Variants in BORCS5 observed in about 807,000 individuals in gnomAD.
BORCS5 encodes the protein BLOC-1-related complex subunit 5.
BORCS5 carries 17 observed loss-of-function variants against 22.1 expected under a neutral mutation model. The ratio of observed to expected loss-of-function variants is 0.77; its 90% CI spans 0.53 to 1.15. The LOEUF (loss-of-function observed/expected upper bound fraction) is 1.15. Ranked by LOEUF, BORCS5 falls within the 50% of genes most tolerant of loss-of-function variation. The pLI is 0.00. For missense variants in BORCS5, 247 were observed against 253.2 expected, an observed-to-expected ratio of 0.98 and a Z score of 0.17; for synonymous variants, 117 against 99.8, an observed-to-expected ratio of 1.17 and a Z score of -1.03.
intron 3 of BORCS5, among the ~76,000 whole-genome samples, chr12:12,447,050 T>G (rs1247085706): frequency 6.6e-6 from 1 of 152,170 alleles, no homozygotes; most frequent in Non-Finnish European, 1.5e-5. Flanking sequence ...TCCCCCAGCC[T>G]CCTCTCTTCC....
chr12:12,411,866 A>T (rs765797704), intron 2 of BORCS5, among the ~76,000 whole-genome samples: 2 of 152,194 alleles, frequency 1.3e-5, no homozygotes, highest in Non-Finnish European at 2.9e-5. Flanking sequence ...CAGCTTTCCT[A>T]GCAGCATTTG....
intron 2 of BORCS5, among the ~76,000 whole-genome samples, chr12:12,374,129 A>G (rs1863592302): frequency 6.6e-6 from 1 of 151,238 alleles, no homozygotes; most frequent in Admixed American, 6.6e-5. Flanking sequence ...CTGGGACTAC[A>G]GGTGCCCGCC....
chr12:12,426,720 T>A (rs989410833), intron 2 of BORCS5, among the ~76,000 whole-genome samples: 1 of 152,256 alleles, frequency 6.6e-6, no homozygotes, highest in African/African-American at 2.4e-5. Flanking sequence ...GACATGATTA[T>A]TATCTTGCTT....
chr12:12,430,211 CAA>C (rs1942388025), intron 2 of BORCS5, among the ~76,000 whole-genome samples: 2 of 131,964 alleles, frequency 1.5e-5, no homozygotes, highest in Non-Finnish European at 3.1e-5. Flanking sequence ...AGTGCAGTGG[CAA>C]GATCTCGGCT....
At chr12:12,381,181 G>A (rs916690622) in intron 2 of BORCS5, among the ~76,000 whole-genome samples, 1 of 150,916 alleles carries the variant, frequency 6.6e-6, no homozygotes, top group Non-Finnish European at 1.5e-5. Flanking sequence ...TGTGTTTTTA[G>A]TAGAGACAGG....
chr12:12,424,182 A>G (rs1942220659), intron 2 of BORCS5, among the ~76,000 whole-genome samples: 1 of 152,072 alleles, frequency 6.6e-6, no homozygotes, highest in South Asian at 2.1e-4. Flanking sequence ...GCATACGGTT[A>G]TCCACTTGAT....
At chr12:12,418,688 G>C (rs532480431) in intron 2 of BORCS5, among the ~76,000 whole-genome samples, 1 of 152,210 alleles carries the variant, frequency 6.6e-6, no homozygotes, top group Non-Finnish European at 1.5e-5. Flanking sequence ...CTCTCTTTCA[G>C]TATAGCTCTT....
At chr12:12,435,008 C>A (rs1366133077) in intron 2 of BORCS5, among the ~76,000 whole-genome samples, 1 of 152,150 alleles carries the variant, frequency 6.6e-6, no homozygotes, top group Non-Finnish European at 1.5e-5. Context: ...AAAATATAAT[C>A]CCCTATGCAA....
At chr12:12,459,135 A>G (rs1487525416) in intron 3 of BORCS5, among the ~76,000 whole-genome samples, 3 of 151,838 alleles carry the variant, frequency 2.0e-5, no homozygotes, top group Non-Finnish European at 2.9e-5. Context: ...ACCTCAGGTG[A>G]TCCACCTGCC....
At chr12:12,361,906 TAC>T (rs1382468786) in intron 2 of BORCS5, among the ~76,000 whole-genome samples, 1 of 152,192 alleles carries the variant, frequency 6.6e-6, no homozygotes. Flanking sequence ...AATTAGCATA[TAC>T]TGTGGTAGTT....
At chr12:12,363,867 C>G (rs958955259) in intron 2 of BORCS5, among the ~76,000 whole-genome samples, 13 of 151,628 alleles carry the variant, frequency 8.6e-5, no homozygotes, top group African/African-American at 3.2e-4. Context: ...TTCATTCCAG[C>G]TTGGGCAACA....
chr12:12,420,979 A>G (rs1308674963), intron 2 of BORCS5, among the ~76,000 whole-genome samples: 1 of 152,200 alleles, frequency 6.6e-6, no homozygotes, highest in East Asian at 1.9e-4. Flanking sequence ...TAAATATACA[A>G]TCATGTCATC....
chr12:12,465,893 TG>T lies in BORCS5; in HGVS notation c.*120del, dbSNP rs1180104334. 1 of 836,284 alleles carries T rather than the reference TG, an allele frequency of 1.2e-6. No homozygotes were observed. Among genetic ancestry groups the T allele is most frequent in the Non-Finnish European group, 1.8e-6 (1 of 548,734 alleles). 51.8% of individuals were successfully genotyped at this position (836,284 alleles called of 1,614,324 possible). On this transcript the variant is annotated 3_prime_UTR_variant, in exon 4 of 4. Coordinates refer to ENST00000314565, the MANE Select transcript of BORCS5 (RefSeq NM_058169.6). ...AGGCTGGCGGGAGGCTCCCTGAAAG[TG>T]GGTGCGAAGGAGTCCGGCTGGCATG...
At chr12:12,411,535 A>G (rs1941732678) in intron 2 of BORCS5, among the ~76,000 whole-genome samples, 1 of 152,136 alleles carries the variant, frequency 6.6e-6, no homozygotes, top group South Asian at 2.1e-4. Flanking sequence ...ACATGATTTG[A>G]AAGTATTTTC....
chr12:12,462,950 G>A (rs1258135740), intron 3 of BORCS5, among the ~76,000 whole-genome samples: 1 of 151,982 alleles, frequency 6.6e-6, no homozygotes, highest in Non-Finnish European at 1.5e-5. Flanking sequence ...GCCTGGCCAA[G>A]CTGGGTCTTT....
chr12:12,438,382 G>GAAAAAAAAAAA lies in BORCS5; in HGVS notation c.360+2602_360+2603insAAAAAAAAAAA, dbSNP rs1565915767. ...TCTCAAAAAAAAAAAAAAAAAAAAC[G>GAAAAAAAAAAA]AAAAACAACAACAAAAACCTCTAAT... On this transcript the variant is annotated intron_variant, in intron 3 of 3. Transcript: ENST00000314565. Among the ~76,000 whole-genome samples the GAAAAAAAAAAA allele has an allele frequency of 1.1e-3, 122 of 106,922 alleles. 3 individuals are homozygous for GAAAAAAAAAAA. The highest frequency in any genetic ancestry group is 5.9e-3 in the African/African-American group (106 of 18,040). 70.1% of individuals were successfully genotyped at this position (106,922 alleles called of 152,430 possible).
Position 12,449,821 on chromosome 12 carries a change from C to G in BORCS5, c.360+14036C>G, listed in dbSNP as rs80190731. ...TCATTGTGCAACAGGAGGTGGTACA[C>G]TAATAAGGAGCCGGGGAAGGTTTAC... On this transcript the variant is annotated intron_variant, in intron 3 of 3. Transcript: ENST00000314565. Among the ~76,000 whole-genome samples the G allele has an allele frequency of 2.3e-3, 346 of 152,244 alleles. 3 individuals are homozygous for G. Among genetic ancestry groups the G allele is most frequent in the African/African-American group, 7.3e-3 (302 of 41,550 alleles).
chr12:12,448,304 C>T (rs1458092759), intron 3 of BORCS5, among the ~76,000 whole-genome samples: 1 of 152,150 alleles, frequency 6.6e-6, no homozygotes, highest in Non-Finnish European at 1.5e-5. Flanking sequence ...CAACTCCTGC[C>T]TCCCGGGTTC....
In BORCS5 at chr12:12,452,399, A is replaced by G. The variant is rs1185270085; in HGVS notation, c.361-13147A>G. The G allele has an allele frequency of 3.3e-5, 19 of 578,152 alleles. No homozygotes were observed. The Middle Eastern group carries it at 1.0e-3, about 31-fold the overall frequency. The allele number at this position is 578,152 out of a possible 1,614,324, so 35.8% of individuals were successfully genotyped here. On this transcript the variant is annotated intron_variant, in intron 3 of 3. Coordinates refer to ENST00000314565, the MANE Select transcript of BORCS5 (RefSeq NM_058169.6). Reference sequence around the variant, plus strand: ...ACAAACATTTTCAAAACATTTGTCTAATGTTTCCACAAATCCATAGGGCTG... The same window carrying G: ...ACAAACATTTTCAAAACATTTGTCTGATGTTTCCACAAATCCATAGGGCTG...
Sources: gnomAD v4.1 joint callset for allele counts (sites outside exome capture counted in the v4.1 genomes callset) on GRCh38, gnomAD v4.1.1 for gene constraint, MANE v1.5 for transcripts, NCBI Gene and HGNC (gene_info 2026-07-23, HGNC 2026-07-21) for gene names.